Variants in MKI67 observed in about 807,000 individuals in gnomAD.
MKI67 encodes proliferation marker protein Ki-67.
In MKI67, 152 loss-of-function variants were observed where a neutral mutation model predicts 233.5. The ratio of observed to expected loss-of-function variants is 0.65; its 90% CI spans 0.57 to 0.74. MKI67 has a LOEUF of 0.74. Ranked by LOEUF, MKI67 falls within the 30% of genes least tolerant of loss-of-function variation. MKI67 has a pLI of 0.00. For synonymous variants in MKI67, 1,465 were observed against 1,418.5 expected (o/e 1.03, Z -0.74); for missense variants, 3,940 against 3,885.2 (o/e 1.01, Z -0.37).
Position 128,103,790 on chromosome 10 carries a change from C to T in MKI67, c.8050G>A (p.Glu2684Lys). The T allele has an allele frequency of 6.2e-7, 1 of 1,613,992 alleles. No individual in the cohort carries two copies. The highest frequency in any genetic ancestry group is 8.5e-7 in the Non-Finnish European group (1 of 1,180,022). Residue 2684 changes from glutamate to lysine, a missense_variant, in exon 13 of 15, where the codon GAG (glutamate) becomes AAG (lysine). By Grantham distance (56) the Glu-to-Lys change is moderately conservative. Transcript: ENST00000368654. ...QPLEDLAGFTELSETSGHTQE... is the reference protein window; with the variant it reads ...QPLEDLAGFTKLSETSGHTQE... ...GTGTGACCTGATGTTTCAGAGAGCT[C>T]TGTGAAGCCGGCCAGGTCTTCCAGG... is the stretch of plus-strand genomic sequence containing the variant.
rs771101851 is a variant in MKI67 at position 128,115,177 on chromosome 10, A to T, written c.1231T>A (p.Ser411Thr). ...TPAKVEDAADSATKPENLSSK... is the reference protein window; with the variant it reads ...TPAKVEDAADTATKPENLSSK... The stretch of plus-strand genomic sequence containing the variant: ...GAGAGATTTTCTGGCTTAGTGGCAG[A>T]GTCAGCTGCATCTTCAACTTTAGCT... Residue 411 changes from serine to threonine, a missense_variant, in exon 7 of 15, where the codon TCT becomes ACT. By Grantham distance (58) the Ser-to-Thr change is moderately conservative (BLOSUM62 1). Transcript: ENST00000368654. The T allele has an allele frequency of 6.2e-7, 1 of 1,614,198 alleles. No individual in the cohort carries two copies. Among genetic ancestry groups the T allele is most frequent in the South Asian group, 1.1e-5 (1 of 91,084 alleles).
Position 128,114,618 on chromosome 10 carries a change from TTC to T in MKI67, c.1480+308_1480+309del, listed in dbSNP as rs369964744. On this transcript the variant is annotated intron_variant, in intron 7 of 14. Transcript: ENST00000368654. Reference sequence around the variant, plus strand: ...TCCATGTGAAAAGCAATTATGATTATTCTCTTTTCTATTTTGTGATAGATGGA... The same window carrying T: ...TCCATGTGAAAAGCAATTATGATTATTCTTTTCTATTTTGTGATAGATGGA... Among the ~76,000 whole-genome samples the T allele has an allele frequency of 3.9e-4, 60 of 152,364 alleles. No individual in the cohort carries two copies. The East Asian group carries it at 5.6e-3, about 14-fold the overall frequency.
chr10:128,114,536 A>C (rs969555880), intron 7 of MKI67, among the ~76,000 whole-genome samples: 2 of 152,098 alleles, frequency 1.3e-5, no homozygotes, highest in Non-Finnish European at 2.9e-5. Context: ...ATTACCAGTG[A>C]TTTATTCCAC....
At position 128,108,848 on chromosome 10, in the gene MKI67, C is replaced by T. The variant is rs925314769; in HGVS notation, c.2992G>A (p.Glu998Lys). ...GGCATTTTAGTGATTTTGCCTTTCT[C>T]ACTCTTTGGTGCCTTGGCATGATCT... is the stretch of plus-strand genomic sequence containing the variant. ...TQDHAKAPKSEKGKITKMPCQ... is the reference protein window; with the variant it reads ...TQDHAKAPKSKKGKITKMPCQ... Residue 998 changes from glutamate (E) to lysine (K), a missense_variant, in exon 13 of 15, where the codon GAG becomes AAG. Transcript: ENST00000368654. 3 of 1,614,058 alleles carry T rather than the reference C, an allele frequency of 1.9e-6. No homozygotes were observed. Among genetic ancestry groups the T allele is most frequent in the Non-Finnish European group, 1.7e-6 (2 of 1,180,034 alleles).
intron 12 of MKI67, 116 bp downstream of exon 12, chr10:128,110,262 G>A: frequency 1.3e-6 from 1 of 772,930 alleles, no homozygotes; most frequent in Non-Finnish European, 1.9e-6. Flanking sequence ...GACGGAAATG[G>A]TATTTTGTGC....
chr10:128,114,096 C>G (rs1010765843), intron 7 of MKI67, among the ~76,000 whole-genome samples: 1 of 152,202 alleles, frequency 6.6e-6, no homozygotes, highest in Non-Finnish European at 1.5e-5. Context: ...AGTGATGCTT[C>G]CCCACTAGGA....
chr10:128,120,753 A>G (rs11596153), intron 4 of MKI67, among the ~76,000 whole-genome samples: 15,492 of 152,166 alleles, frequency 0.1, 1,012 homozygotes, highest in African/African-American at 0.18. Context: ...TTTTGATTCA[A>G]AGACACAATC....
In MKI67 at chr10:128,108,657, AT is replaced by A. The variant is rs1325491267; in HGVS notation, c.3182del (p.Asp1061ValfsTer22). On this transcript the variant is annotated frameshift_variant, in exon 13 of 15. Transcript: ENST00000368654. LOFTEE classifies it high-confidence loss of function. Reference protein sequence around the residue: ...TTHTHREPAGDGKSIRTFKES... With the variant: ...TTHTHREPAGXGKSIRTFKES... ...CCTTAAACGTTCTGATGCTCTTGCC[AT>A]CTCCTGCTGGCTCTCTGTGCGTGTG... The A allele has an allele frequency of 6.2e-7, 1 of 1,614,010 alleles. No homozygotes were observed. Among genetic ancestry groups the A allele is most frequent in the Non-Finnish European group, 8.5e-7 (1 of 1,179,982 alleles).
At chr10:128,121,384 TATAA>T (rs1335538414) in intron 4 of MKI67, among the ~76,000 whole-genome samples, 9 of 143,782 alleles carry the variant, frequency 6.3e-5, no homozygotes, top group African/African-American at 1.3e-4. Flanking sequence ...TATTATATAA[TATAA>T]ATATATTGTA....
In MKI67 at chr10:128,099,032, T is replaced by A; in HGVS notation, c.*158A>T. ...AGCCCAGCAGTGCTCCCAGTGGAGTTTATGAAGCCGATTCAGACCCAGCAA... is the reference window on the plus strand; with the variant it reads ...AGCCCAGCAGTGCTCCCAGTGGAGTATATGAAGCCGATTCAGACCCAGCAA... On this transcript the variant is annotated 3_prime_UTR_variant, in exon 15 of 15. Coordinates refer to ENST00000368654, the MANE Select transcript of MKI67 (RefSeq NM_002417.5). 3.6e-6 allele frequency: 2 copies of A among 559,082 alleles called. No individual in the cohort carries two copies. The highest frequency in any genetic ancestry group is 6.2e-6 in the Non-Finnish European group (2 of 321,744). 34.6% of individuals were successfully genotyped at this position (559,082 alleles called of 1,614,324 possible). A position where few individuals can be genotyped will look rare whatever the true frequency, so the allele number is the denominator to read the frequency against.
intron 5 of MKI67, 98 bp downstream of exon 5, chr10:128,119,155 T>C: frequency 1.1e-6 from 1 of 879,016 alleles, no homozygotes; most frequent in Non-Finnish European, 1.9e-6. Flanking sequence ...GTAACCACCC[T>C]CTTTGTAACT....
chr10:128,101,149 G>A (rs1590291504), intron 14 of MKI67, 109 bp downstream of exon 14: 3 of 990,492 alleles, frequency 3.0e-6, no homozygotes, highest in Non-Finnish European at 1.5e-6. Flanking sequence ...CTGGGAGCTG[G>A]CAGAGTGCTG....
In MKI67 at chr10:128,112,411, C is replaced by A. The variant is rs145376347; in HGVS notation, c.1691G>T (p.Gly564Val). The change falls in exon 9 of 15, where the codon GGT (glycine) becomes GTT (valine). Residue 564 changes from glycine (G) to valine (V), a missense_variant. Physicochemically the swap from Gly to Val is moderately radical, Grantham distance 109. Transcript: ENST00000368654. ...CTTCACTTCCACATGGATTTCTGAA[C>A]CTGACTCTTGTTTTCCTGATGGTTG... The part of the protein sequence containing the change: ...QPQPSGKQES[G>V]SEIHVEVKAQ... 167 of 1,614,002 alleles carry A rather than the reference C, an allele frequency of 1.0e-4. No individual in the cohort carries two copies. The highest frequency in any genetic ancestry group is 6.6e-4 in the Middle Eastern group (4 of 6,084).
chr10:128,106,531 G>A lies in MKI67; in HGVS notation c.5309C>T (p.Ala1770Val). The A allele has an allele frequency of 6.2e-7, 1 of 1,614,102 alleles. No individual in the cohort carries two copies. The highest frequency in any genetic ancestry group is 8.5e-7 in the Non-Finnish European group (1 of 1,180,002). Residue 1770 changes from alanine (A) to valine (V), a missense_variant, in exon 13 of 15, where the codon GCA becomes GTA. Ala to Val is a moderately conservative substitution (Grantham distance 64). Coordinates refer to ENST00000368654, the MANE Select transcript of MKI67 (RefSeq NM_002417.5). ...RKADTEEEFL[A>V]FRKQTPSAGK... ...TGCTGATGGCGTTTGTTTCCTAAATGCTAAAAATTCTTCTTCAGTGTCTGC... is the reference window on the plus strand; with the variant it reads ...TGCTGATGGCGTTTGTTTCCTAAATACTAAAAATTCTTCTTCAGTGTCTGC...
intron 4 of MKI67, among the ~76,000 whole-genome samples, chr10:128,119,983 T>C (rs901151735): frequency 1.8e-4 from 28 of 152,138 alleles, no homozygotes; most frequent in Admixed American, 1.8e-3. Flanking sequence ...CTCAGTGAAA[T>C]GACCTGATTT....
Position 128,107,377 on chromosome 10 carries a change from T to G in MKI67, c.4463A>C (p.Lys1488Thr). 1.2e-6 allele frequency: 2 copies of G among 1,613,526 alleles called. No homozygotes were observed. Among genetic ancestry groups the G allele is most frequent in the Non-Finnish European group, 1.7e-6 (2 of 1,179,886 alleles). ...VCTDKPTTHE[K>T]TTKIACRSQP... is the part of the protein sequence containing the mutation. Reference sequence around the variant, plus strand: ...TGATCTGCAGGCTATTTTGGTAGTTTTCTCGTGAGTCGTGGGCTTGTCAGT... The same window carrying G: ...TGATCTGCAGGCTATTTTGGTAGTTGTCTCGTGAGTCGTGGGCTTGTCAGT... Residue 1488 changes from lysine to threonine, a missense_variant, in exon 13 of 15, where the codon AAA becomes ACA. Coordinates refer to ENST00000368654, the MANE Select transcript of MKI67 (RefSeq NM_002417.5).
Position 128,100,014 on chromosome 10 carries a change from C to T in MKI67, c.9706-759G>A, listed in dbSNP as rs186809649. Among the ~76,000 whole-genome samples the T allele has an allele frequency of 4.6e-3, 708 of 152,322 alleles. 7 individuals are homozygous for T. The highest frequency in any genetic ancestry group is 8.0e-3 in the Non-Finnish European group (547 of 68,022). ...TTCATTCTGAGGAAGCAGCACCTTCCAGACTGTGAATTCGGTAAGCGCCTG... is the reference window on the plus strand; with the variant it reads ...TTCATTCTGAGGAAGCAGCACCTTCTAGACTGTGAATTCGGTAAGCGCCTG... On this transcript the variant is annotated intron_variant, in intron 14 of 14. Coordinates refer to ENST00000368654, the MANE Select transcript of MKI67 (RefSeq NM_002417.5).
Position 128,123,120 on chromosome 10 carries a change from G to A in MKI67, c.142C>T (p.His48Tyr). 3 of 1,613,958 alleles carry A rather than the reference G, an allele frequency of 1.9e-6. No individual in the cohort carries two copies. The highest frequency in any genetic ancestry group is 1.7e-6 in the Non-Finnish European group (2 of 1,179,886). ...RIQLPVVSKQ[H>Y]CKIEIHEQEA... Reference sequence around the variant, plus strand: ...TGCTCATGGATTTCAATTTTGCAATGTTGTTTTGACACAACAGGAAGCTGG... The same window carrying A: ...TGCTCATGGATTTCAATTTTGCAATATTGTTTTGACACAACAGGAAGCTGG... The change falls in exon 3 of 15, where the codon CAT becomes TAT. Residue 48 changes from histidine (H) to tyrosine (Y), a missense_variant. By Grantham distance (83) the His-to-Tyr change is moderately conservative. Coordinates refer to ENST00000368654, the MANE Select transcript of MKI67 (RefSeq NM_002417.5).
rs1198801830 is a variant in MKI67 at position 128,115,803 on chromosome 10, TC to T, written c.604del (p.Asp202IlefsTer10). On this transcript the variant is annotated frameshift_variant, in exon 7 of 15. Transcript: ENST00000368654. LOFTEE classifies it high-confidence loss of function. Reference sequence around the variant, plus strand: ...TTTAACGCTGGAAATTTCTTTAAAATCCCCAGAAATGGGATCAGCTGCATTT... The same window carrying T: ...TTTAACGCTGGAAATTTCTTTAAAATCCCAGAAATGGGATCAGCTGCATTT... ...GRNAADPISG[D>X]FKEISSVKLV... is the part of the protein sequence containing the mutation. 1.2e-6 allele frequency: 2 copies of T among 1,611,310 alleles called. No individual in the cohort carries two copies. The highest frequency in any genetic ancestry group is 1.1e-5 in the South Asian group (1 of 91,068).
Sources: allele counts gnomAD v4.1 joint callset (sites outside exome capture counted in the v4.1 genomes callset), GRCh38; gene constraint gnomAD v4.1.1; transcripts MANE v1.5; gene names NCBI Gene and HGNC (gene_info 2026-07-23, HGNC 2026-07-21).